The following ATP9B variants were observed in gnomAD, a reference collection of about 807,000 sequenced individuals.
ATP9B encodes probable phospholipid-transporting ATPase IIB.
Under a neutral mutation model 146.1 loss-of-function variants are expected in ATP9B, and 110 were observed. That is an observed-to-expected ratio of 0.75 (90% CI 0.65 to 0.88). ATP9B has a LOEUF of 0.88. ATP9B is among the 40% of genes least tolerant of loss of function. ATP9B has a pLI of 0.00. For synonymous variants in ATP9B, 604 were observed against 569.7 expected (o/e 1.06, Z -0.86); for missense variants, 1,499 against 1,496.4 (o/e 1.00, Z -0.03).
At chr18:79,223,556 G>T (rs973336983) in intron 11 of ATP9B, among the ~76,000 whole-genome samples, 11 of 152,140 alleles carry the variant, frequency 7.2e-5, no homozygotes, top group African/African-American at 2.7e-4. Flanking sequence ...GATAACTGTT[G>T]TTAATATTCA....
chr18:79,320,686 A>T (rs1038274602), intron 15 of ATP9B, among the ~76,000 whole-genome samples: 15 of 152,180 alleles, frequency 9.9e-5, no homozygotes, highest in African/African-American at 3.4e-4. Flanking sequence ...TTGGCTGGCC[A>T]TGCAGAACTC....
intron 8 of ATP9B, among the ~76,000 whole-genome samples, chr18:79,179,384 T>C (rs528618153): frequency 6.6e-6 from 1 of 152,168 alleles, no homozygotes; most frequent in South Asian, 2.1e-4. Context: ...TTATAACTTA[T>C]TATTTTCTAT....
chr18:79,205,462 T>C (rs147157069), intron 9 of ATP9B, among the ~76,000 whole-genome samples: 151 of 152,280 alleles, frequency 9.9e-4, no homozygotes, highest in African/African-American at 3.5e-3. Context: ...TCAATTTCTT[T>C]CCTTTTCAAA....
At chr18:79,226,146 C>G (rs1221993619) in intron 11 of ATP9B, among the ~76,000 whole-genome samples, 1 of 152,234 alleles carries the variant, frequency 6.6e-6, no homozygotes, top group Non-Finnish European at 1.5e-5. Flanking sequence ...GCCCTCTCTT[C>G]CTGCTCCCTC....
intron 13 of ATP9B, among the ~76,000 whole-genome samples, chr18:79,284,419 A>G (rs888507338): frequency 6.6e-6 from 1 of 152,198 alleles, no homozygotes; most frequent in African/African-American, 2.4e-5. Flanking sequence ...TGAGAATCGC[A>G]GTTTAGAGAA....
intron 23 of ATP9B, among the ~76,000 whole-genome samples, chr18:79,347,076 G>T (rs141531979): frequency 2.1e-4 from 32 of 152,316 alleles, no homozygotes; most frequent in African/African-American, 7.0e-4. Flanking sequence ...GCCTTTCCAT[G>T]GCCTCCCTCC....
chr18:79,219,880 A>G (rs1179657804), intron 11 of ATP9B, among the ~76,000 whole-genome samples: 2 of 152,236 alleles, frequency 1.3e-5, no homozygotes, highest in Admixed American at 6.5e-5. Flanking sequence ...ACTTTGAGAC[A>G]GTTCTTGAAG....
intron 13 of ATP9B, among the ~76,000 whole-genome samples, chr18:79,294,999 A>G (rs1175420130): frequency 6.6e-6 from 1 of 152,192 alleles, no homozygotes; most frequent in Non-Finnish European, 1.5e-5. Context: ...TGCATTTAAT[A>G]TCTTTCAAAT....
At chr18:79,257,363 C>T (rs920906940) in intron 12 of ATP9B, among the ~76,000 whole-genome samples, 2 of 152,244 alleles carry the variant, frequency 1.3e-5, no homozygotes, top group African/African-American at 4.8e-5. Flanking sequence ...ATAGTCAAAG[C>T]TGATGCACCG....
chr18:79,130,008 C>A (rs2094351192), intron 5 of ATP9B, among the ~76,000 whole-genome samples: 1 of 152,152 alleles, frequency 6.6e-6, no homozygotes, highest in East Asian at 1.9e-4. Context: ...TCCCAAAGTG[C>A]TGGGATTACA....
intron 10 of ATP9B, among the ~76,000 whole-genome samples, chr18:79,211,647 A>G (rs1431470961): frequency 6.6e-6 from 1 of 152,234 alleles, no homozygotes; most frequent in Non-Finnish European, 1.5e-5. Flanking sequence ...CTGGCTTTGA[A>G]GATTAAGTGC....
intron 2 of ATP9B, among the ~76,000 whole-genome samples, chr18:79,101,286 G>A (rs960238114): frequency 2.6e-5 from 4 of 151,808 alleles, no homozygotes; most frequent in Non-Finnish European, 5.9e-5. Context: ...TATCAAGAAT[G>A]TTACATAACT....
At chr18:79,102,728 G>T (rs551001695) in intron 2 of ATP9B, among the ~76,000 whole-genome samples, 2 of 152,184 alleles carry the variant, frequency 1.3e-5, no homozygotes, top group South Asian at 2.1e-4. Flanking sequence ...GTTTGGGGGG[G>T]ATTGACATGT....
At chr18:79,365,975 T>A (rs55662907) in intron 26 of ATP9B, among the ~76,000 whole-genome samples, 34,488 of 152,252 alleles carry the variant, frequency 0.23, 4,526 homozygotes, top group East Asian at 0.45. Flanking sequence ...ATGGCCAGCC[T>A]GTGTGTCATG....
chr18:79,086,928 G>T (rs1725542555), intron 1 of ATP9B, among the ~76,000 whole-genome samples: 1 of 152,158 alleles, frequency 6.6e-6, no homozygotes, highest in Non-Finnish European at 1.5e-5. Context: ...TCATTTGTCT[G>T]CTGGGTTATT....
chr18:79,313,794 TGG>T (rs1200063689), intron 15 of ATP9B, among the ~76,000 whole-genome samples: 1 of 152,214 alleles, frequency 6.6e-6, no homozygotes, highest in African/African-American at 2.4e-5. Flanking sequence ...TCTTTCTACT[TGG>T]GAAATTGGAC....
chr18:79,101,900 G>C (rs1457585574), intron 2 of ATP9B, among the ~76,000 whole-genome samples: 1 of 152,032 alleles, frequency 6.6e-6, no homozygotes. Context: ...TGGGTCCTCT[G>C]TCAGACATGT....
At chr18:79,283,983 G>A (rs558745550) in intron 13 of ATP9B, among the ~76,000 whole-genome samples, 9 of 152,238 alleles carry the variant, frequency 5.9e-5, no homozygotes, top group Middle Eastern at 3.4e-3. Flanking sequence ...GAACAAAGCC[G>A]TTACTAAAAA....
Position 79,097,157 on chromosome 18 carries a change from C to CAA in ATP9B, c.293+523_293+524dup, listed in dbSNP as rs373009400. On this transcript the variant is annotated intron_variant, in intron 2 of 29. Coordinates refer to ENST00000426216, the MANE Select transcript of ATP9B (RefSeq NM_198531.5). ...TGGGCAATGGAGTAAGACTCTGTCTCAAAAAAAAAAAAAAAAGCTAGAGAA... is the reference window on the plus strand; with the variant it reads ...TGGGCAATGGAGTAAGACTCTGTCTCAAAAAAAAAAAAAAAAAAGCTAGAGAA... Among the ~76,000 whole-genome samples, 415 of 80,050 alleles carry CAA rather than the reference C, an allele frequency of 5.2e-3. 2 individuals carry two copies. The highest frequency in any genetic ancestry group is 0.037 in the South Asian group (97 of 2,600). 52.5% of individuals were successfully genotyped at this position (80,050 alleles called of 152,430 possible).
Sources: allele counts gnomAD v4.1 joint callset (sites outside exome capture counted in the v4.1 genomes callset), GRCh38; gene constraint gnomAD v4.1.1; transcripts MANE v1.5; gene names NCBI Gene and HGNC (gene_info 2026-07-23, HGNC 2026-07-21).